ANKS1A: variants seen among roughly 807,000 people sequenced by gnomAD.
The protein encoded by ANKS1A is ankyrin repeat and sterile alpha motif domain containing 1A.
ANKS1A carries 55 observed loss-of-function variants against 120.3 expected under a neutral mutation model. The observed-to-expected ratio is 0.46, with a 90% CI of 0.37 to 0.57. The LOEUF (loss-of-function observed/expected upper bound fraction) is 0.57. Among genes scored for constraint, ANKS1A ranks in the 20% least tolerant of loss-of-function variants. ANKS1A has a pLI of 0.00. For missense variants in ANKS1A, 1,123 were observed against 1,480.3 expected (o/e 0.76, Z 3.96); for synonymous variants, 590 against 604.7 (o/e 0.98, Z 0.36).
chr6:34,972,593 A>C (rs1771238580), intron 3 of ANKS1A: 1 of 985,092 alleles, frequency 1.0e-6, no homozygotes, highest in African/African-American at 1.7e-5. Flanking sequence ...TGCTCTTGAG[A>C]TCAAAGAACT....
At chr6:35,071,102 G>C in intron 13 of ANKS1A, 1 of 325,738 alleles carries the variant, frequency 3.1e-6, no homozygotes, top group Admixed American at 4.1e-5. Flanking sequence ...CTTTCAACTA[G>C]TTGCCAATCA....
At chr6:34,897,821 A>C (rs773380579) in intron 1 of ANKS1A, among the ~76,000 whole-genome samples, 1 of 152,200 alleles carries the variant, frequency 6.6e-6, no homozygotes, top group Non-Finnish European at 1.5e-5. Context: ...TCTGCTTTGA[A>C]ACAAGATAGT....
At chr6:34,906,255 C>T (rs1290781794) in intron 1 of ANKS1A, among the ~76,000 whole-genome samples, 3 of 152,102 alleles carry the variant, frequency 2.0e-5, no homozygotes, top group Non-Finnish European at 2.9e-5. Flanking sequence ...GGGAAAGGAG[C>T]GACTGCTTAC....
intron 1 of ANKS1A, among the ~76,000 whole-genome samples, chr6:34,942,664 C>A (rs938067146): frequency 7.2e-5 from 11 of 151,826 alleles, no homozygotes; most frequent in African/African-American, 2.4e-4. Context: ...TGATTCATGT[C>A]TTTTTTCATC....
intron 1 of ANKS1A, among the ~76,000 whole-genome samples, chr6:34,918,873 A>G (rs757664247): frequency 1.5e-4 from 23 of 152,044 alleles, no homozygotes; most frequent in Non-Finnish European, 2.6e-4. Flanking sequence ...TTTTATTGAG[A>G]CAGGGTCTCG....
At position 34,982,029 on chromosome 6, in the gene ANKS1A, G is replaced by A. The variant is rs757843268; in HGVS notation, c.732+43G>A. ...GGCTCCTCCAATCTCAAGAGACTCA[G>A]TCATTTTGCAGAAGGCACAAGGACC... On this transcript the variant is annotated intron_variant, in intron 4 of 23. Coordinates refer to ENST00000360359, the MANE Select transcript of ANKS1A (RefSeq NM_015245.3). This position sits in a 1 kb window ranked among gnomAD's most constrained non-coding sequence, Gnocchi z 4.9. The A allele has an allele frequency of 3.7e-6, 6 of 1,600,990 alleles. No homozygotes were observed. Among genetic ancestry groups the A allele is most frequent in the East Asian group, 2.2e-5 (1 of 44,738 alleles).
chr6:35,090,034 A>G lies in ANKS1A; in HGVS notation c.*1425A>G, dbSNP rs761657086. 1 of 1,230,312 alleles carries G rather than the reference A, an allele frequency of 8.1e-7. No individual in the cohort carries two copies. Among genetic ancestry groups the G allele is most frequent in the Non-Finnish European group, 1.0e-6 (1 of 959,298 alleles). The allele number at this position is 1,230,312 out of a possible 1,614,324, so 76.2% of individuals were successfully genotyped here. On this transcript the variant is annotated 3_prime_UTR_variant, in exon 24 of 24. Coordinates refer to ENST00000360359, the MANE Select transcript of ANKS1A (RefSeq NM_015245.3). ...ACATTCTTAACCCATGTGGTTGGCC[A>G]GAAATCAGAAGTGGGGCTGTGTCTC...
At chr6:34,897,746 A>G (rs1767163733) in intron 1 of ANKS1A, among the ~76,000 whole-genome samples, 1 of 152,232 alleles carries the variant, frequency 6.6e-6, no homozygotes, top group Non-Finnish European at 1.5e-5. Context: ...CTTTCTCAGT[A>G]ATTTGTAGAT....
intron 1 of ANKS1A, among the ~76,000 whole-genome samples, chr6:34,945,184 T>G (rs1769728675): frequency 6.6e-6 from 1 of 152,190 alleles, no homozygotes; most frequent in Non-Finnish European, 1.5e-5. Flanking sequence ...CAAGTGATTC[T>G]TCTGCCTCAG....
chr6:34,894,357 T>G (rs1239760339), intron 1 of ANKS1A, among the ~76,000 whole-genome samples: 1 of 152,134 alleles, frequency 6.6e-6, no homozygotes, highest in Non-Finnish European at 1.5e-5. Flanking sequence ...AAGGAAATGT[T>G]AAAACCAATC....
chr6:35,021,041 A>G (rs1490951235), intron 11 of ANKS1A, among the ~76,000 whole-genome samples: 1 of 152,148 alleles, frequency 6.6e-6, no homozygotes, highest in Admixed American at 6.5e-5. Context: ...TTTCTTAGTG[A>G]TACTGTACTT....
chr6:35,035,659 A>G (rs1232497907), intron 11 of ANKS1A, among the ~76,000 whole-genome samples: 1 of 152,192 alleles, frequency 6.6e-6, no homozygotes, highest in African/African-American at 2.4e-5. Context: ...GCTGGCTGCA[A>G]ACTGCTCAGA....
rs1284185193 is a variant in ANKS1A, at chr6:35,083,138, A to G, written c.2836-17A>G. ...AACGCAGGATTTCCTAAGCCTGGCC[A>G]CTGCTCGCCCCCACAGTATCTGGGC... On this transcript the variant is annotated splice_polypyrimidine_tract_variant and intron_variant, in intron 18 of 23. Transcript: ENST00000360359. 9.3e-6 allele frequency: 15 copies of G among 1,613,298 alleles called. No homozygotes were observed. Among genetic ancestry groups the G allele is most frequent in the Admixed American group, 3.3e-5 (2 of 60,010 alleles).
intron 1 of ANKS1A, among the ~76,000 whole-genome samples, chr6:34,929,141 T>G (rs1768852663): frequency 6.6e-6 from 1 of 152,210 alleles, no homozygotes; most frequent in Non-Finnish European, 1.5e-5. Flanking sequence ...TCATAAAGGC[T>G]TTACTATAAA....
In ANKS1A at chr6:34,983,109, C is replaced by T; in HGVS notation, c.809-4C>T. 1 of 1,613,714 alleles carries T rather than the reference C, an allele frequency of 6.2e-7. No individual in the cohort carries two copies. The highest frequency in any genetic ancestry group is 1.1e-5 in the South Asian group (1 of 90,956). On this transcript the variant is annotated splice_region_variant and splice_polypyrimidine_tract_variant and intron_variant, in intron 5 of 23. Coordinates refer to ENST00000360359, the MANE Select transcript of ANKS1A (RefSeq NM_015245.3). ...CCCCTGGTCCACCTGGTGTGCCTTT[C>T]TAGGAACTGACGTCAACATAAAAGA...
In ANKS1A at chr6:35,057,543, C is replaced by T. The variant is rs1776276937; in HGVS notation, c.2078-2604C>T. On this transcript the variant is annotated intron_variant, in intron 12 of 23. Transcript: ENST00000360359. This position sits in a 1 kb window ranked among gnomAD's most constrained non-coding sequence, Gnocchi z 4.1. ...AATGTGTCCAGGGCATATTTAGAAG[C>T]CCTGGACTTCTGTCCCTGTACCTGT... Among the ~76,000 whole-genome samples the T allele has an allele frequency of 6.6e-6, 1 of 152,198 alleles. No individual in the cohort carries two copies. Among genetic ancestry groups the T allele is most frequent in the African/African-American group, 2.4e-5 (1 of 41,456 alleles).
At chr6:35,077,995 A>C (rs1469249244) in intron 13 of ANKS1A, among the ~76,000 whole-genome samples, 1 of 152,090 alleles carries the variant, frequency 6.6e-6, no homozygotes, top group Non-Finnish European at 1.5e-5. Context: ...AGGCCAGTGG[A>C]GGTCTCAGAA....
chr6:35,052,324 G>A (rs1218696500), intron 11 of ANKS1A, among the ~76,000 whole-genome samples: 2 of 151,394 alleles, frequency 1.3e-5, no homozygotes, highest in South Asian at 2.1e-4. Context: ...GGTGTTGCAC[G>A]CCTGTAGTCC....
At chr6:35,092,163 GGGA>G (rs1259724670), downstream of ANKS1A, among the ~76,000 whole-genome samples, 4 of 152,140 alleles carry the variant, frequency 2.6e-5, no homozygotes, top group Non-Finnish European at 5.9e-5. Context: ...TTCATAAAGC[GGGA>G]GGGACCTTGA....
Sources: gnomAD v4.1 joint callset for allele counts (sites outside exome capture counted in the v4.1 genomes callset) on GRCh38, gnomAD v4.1.1 for gene constraint, Gnocchi (gnomAD v3.1) non-coding constraint, MANE v1.5 for transcripts, NCBI Gene and HGNC (gene_info 2026-07-23, HGNC 2026-07-21) for gene names.